The following PAK1 variants were observed in gnomAD, a reference collection of about 807,000 sequenced individuals.
PAK1 encodes p21 (RAC1) activated kinase 1, also known as serine/threonine-protein kinase PAK 1.
PAK1 carries 29 observed loss-of-function variants against 67.4 expected under a neutral mutation model. The observed-to-expected ratio is 0.43, with a 90% CI of 0.32 to 0.59. The LOEUF is 0.59. PAK1 is among the 20% of genes least tolerant of loss of function. The pLI, the probability that PAK1 is intolerant of heterozygous loss-of-function variation, is 0.07. For missense variants in PAK1, 337 were observed against 670.7 expected (o/e 0.50, Z 5.50); for synonymous variants, 223 against 237.4 (o/e 0.94, Z 0.56).
intron 8 of PAK1, chr11:77,353,191 T>C (rs999938852): frequency 4.8e-6 from 1 of 206,836 alleles, no homozygotes; most frequent in African/African-American, 2.3e-5. Flanking sequence ...GGTCTTCCAT[T>C]TTATATTAGT....
Position 77,348,653 on chromosome 11 carries a change from A to G in PAK1, c.885+586T>C, listed in dbSNP as rs552802573. On this transcript the variant is annotated intron_variant, in intron 9 of 14. Transcript: ENST00000356341. ...TTTCTTTTTCCTTTCTCCTTGAATA[A>G]TATCACCCACTTGTAAGTAATGTTC... Among the ~76,000 whole-genome samples, 6 of 152,298 alleles carry G rather than the reference A, an allele frequency of 3.9e-5. No homozygotes were observed. In the East Asian group the frequency reaches 9.6e-4, roughly 24 times the overall value.
the PAK1 span, among the ~76,000 whole-genome samples, chr11:77,519,090 T>C: frequency 6.6e-6 from 1 of 152,210 alleles, no homozygotes; most frequent in African/African-American, 2.4e-5. Context: ...AAGTAACACC[T>C]CTTTGGTATC....
At chr11:77,491,624 G>A in the PAK1 span, among the ~76,000 whole-genome samples, 1 of 152,128 alleles carries the variant, frequency 6.6e-6, no homozygotes, top group Non-Finnish European at 1.5e-5. Context: ...GTTGTCATCA[G>A]TTTAAAAAAT....
chr11:77,399,715 C>G lies in PAK1; in HGVS notation c.-21-7174G>C, dbSNP rs985683971. Among the ~76,000 whole-genome samples the G allele has an allele frequency of 2.7e-5, 4 of 150,110 alleles. No homozygotes were observed. The East Asian group carries it at 7.8e-4, about 29-fold the overall frequency. ...TCTACTAAAAATACAAAAAATTAGC[C>G]AGGCGTAGTGGCGGGCGCCTGTAGT... is the stretch of plus-strand genomic sequence containing the variant. On this transcript the variant is annotated intron_variant, in intron 1 of 14. Transcript: ENST00000356341.
chr11:77,371,278 A>G (rs12800241), intron 5 of PAK1, among the ~76,000 whole-genome samples: 1,637 of 152,366 alleles, frequency 0.011, 11 homozygotes, highest in Non-Finnish European at 0.016. Context: ...TTTAAGGCCC[A>G]AGAACTCTGC....
At chr11:77,337,504 A>G in intron 11 of PAK1, 81 bp from the exon 12 acceptor site, 1 of 658,548 alleles carries the variant, frequency 1.5e-6, no homozygotes, top group Non-Finnish European at 2.6e-6. Context: ...CCACTAATTC[A>G]ACCTCTTCAC....
At chr11:77,429,086 A>AAAAAAAAAAAAAAAAAAAAAAAAAAAAAC (rs1955732707) in intron 1 of PAK1, among the ~76,000 whole-genome samples, 1 of 115,556 alleles carries the variant, frequency 8.7e-6, no homozygotes, top group Middle Eastern at 3.8e-3. Flanking sequence ...AAAAAAAAAA[A>AAAAAAAAAAAAAAAAAAAAAAAAAAAAAC]AAAAAAAACA....
At chr11:77,325,091 A>G (rs1330639385) in intron 14 of PAK1, among the ~76,000 whole-genome samples, 2 of 152,224 alleles carry the variant, frequency 1.3e-5, no homozygotes, top group African/African-American at 2.4e-5. Context: ...TACACCAACA[A>G]GTTAAAAAGC....
chr11:77,476,335 G>A (rs1228994757), upstream of PAK1: 1 of 152,224 alleles, frequency 6.6e-6, no homozygotes, highest in African/African-American at 2.4e-5. Context: ...GAGGGGTTAA[G>A]TAACTTAACC....
At chr11:77,400,354 T>C (rs1952509106) in intron 1 of PAK1, among the ~76,000 whole-genome samples, 1 of 152,036 alleles carries the variant, frequency 6.6e-6, no homozygotes. Context: ...GACAGAAAAA[T>C]GGTCCATTCT....
intron 1 of PAK1, among the ~76,000 whole-genome samples, chr11:77,439,761 GA>G (rs1174874356): frequency 6.6e-6 from 1 of 152,178 alleles, no homozygotes; most frequent in Non-Finnish European, 1.5e-5. Flanking sequence ...TATGGAGAGG[GA>G]AAGAGGACTA....
the PAK1 span, among the ~76,000 whole-genome samples, chr11:77,500,530 G>A: frequency 2.0e-5 from 3 of 151,970 alleles, no homozygotes; most frequent in African/African-American, 7.3e-5. Context: ...CACGTCTTGT[G>A]GAAATCCAAA....
chr11:77,505,182 A>G, the PAK1 span, among the ~76,000 whole-genome samples: 2 of 143,082 alleles, frequency 1.4e-5, no homozygotes, highest in East Asian at 4.3e-4. Flanking sequence ...CATTGCTACT[A>G]TTTTTTCTTT....
chr11:77,525,179 T>C, the PAK1 span, among the ~76,000 whole-genome samples: 1 of 137,608 alleles, frequency 7.3e-6, no homozygotes, highest in Non-Finnish European at 1.6e-5. Context: ...ATCCCACCCC[T>C]ATCAAAAAAA....
At chr11:77,502,090 TA>T in the PAK1 span, among the ~76,000 whole-genome samples, 2 of 152,244 alleles carry the variant, frequency 1.3e-5, no homozygotes, top group Non-Finnish European at 2.9e-5. Context: ...ATGACCTTTT[TA>T]TTCCCAACTT....
chr11:77,334,330 G>A (rs536574910), intron 13 of PAK1, among the ~76,000 whole-genome samples: 1 of 152,264 alleles, frequency 6.6e-6, no homozygotes, highest in East Asian at 1.9e-4. Flanking sequence ...CAGAGGCAAA[G>A]CTGGGATCAA....
At chr11:77,446,136 T>C (rs913447254) in intron 1 of PAK1, among the ~76,000 whole-genome samples, 2 of 152,158 alleles carry the variant, frequency 1.3e-5, no homozygotes, top group African/African-American at 4.8e-5. Context: ...AGATAATAAA[T>C]ATAATATTTG....
At chr11:77,442,597 T>G (rs1292947227) in intron 1 of PAK1, among the ~76,000 whole-genome samples, 3 of 152,106 alleles carry the variant, frequency 2.0e-5, no homozygotes, top group Non-Finnish European at 2.9e-5. Context: ...GGGCAACAGT[T>G]TGGCTGTAAC....
At chr11:77,367,262 A>G (rs1319355735) in intron 5 of PAK1, among the ~76,000 whole-genome samples, 6 of 152,190 alleles carry the variant, frequency 3.9e-5, no homozygotes. Context: ...AAATTTATTA[A>G]AAGTATTGAA....
Sources: allele counts gnomAD v4.1 joint callset (sites outside exome capture counted in the v4.1 genomes callset), GRCh38; gene constraint gnomAD v4.1.1; transcripts MANE v1.5; gene names NCBI Gene and HGNC (gene_info 2026-07-23, HGNC 2026-07-21).